IL1RAPL1: variants seen among roughly 807,000 people sequenced by gnomAD.
IL1RAPL1 encodes the protein interleukin-1 receptor accessory protein-like 1.
A neutral mutation model predicts 48.4 loss-of-function variants in IL1RAPL1; 3 were observed. The observed-to-expected ratio is 0.06, with a 90% CI of 0.03 to 0.16. The LOEUF (loss-of-function observed/expected upper bound fraction) is 0.16, where lower values mean the gene tolerates loss of function less well. Ranked by LOEUF, IL1RAPL1 falls within the 10% of genes least tolerant of loss-of-function variation. IL1RAPL1 has a pLI of 1.00. For missense variants in IL1RAPL1, 349 were observed against 530.6 expected, an observed-to-expected ratio of 0.66 and a Z score of 3.36; for synonymous variants, 185 against 187.7, an observed-to-expected ratio of 0.99 and a Z score of 0.12.
At chrX:28,836,336 T>TTATATATATATATATATATA (rs34343530) in intron 2 of IL1RAPL1, among the ~76,000 whole-genome samples, 9 of 85,325 alleles carry the variant, frequency 1.1e-4, no homozygotes, top group African/African-American at 4.2e-4. Flanking sequence ...CTTCCCAATT[T>TTATATATATATATATATATA]TATATATATA....
intron 8 of IL1RAPL1, among the ~76,000 whole-genome samples, chrX:29,926,402 G>A (rs761116895): frequency 8.9e-6 from 1 of 111,980 alleles, no homozygotes; most frequent in Non-Finnish European, 1.9e-5. Context: ...GATCATTCAT[G>A]TGGGCCAAAG....
chrX:28,897,941 TTGAGCCAGGA>T (rs960425922), intron 2 of IL1RAPL1, among the ~76,000 whole-genome samples: 7 of 110,945 alleles, frequency 6.3e-5, no homozygotes, highest in African/African-American at 2.3e-4. Context: ...GGGGAGCTTT[TTGAGCCAGGA>T]TGAGCCAGGA....
chrX:29,506,997 A>G (rs1170482733), intron 5 of IL1RAPL1, among the ~76,000 whole-genome samples: 3 of 110,009 alleles, frequency 2.7e-5, no homozygotes, highest in Non-Finnish European at 5.7e-5. Context: ...AGGGAGTGTC[A>G]TGGATGTGAA....
chrX:28,734,788 T>G (rs1464178668), intron 1 of IL1RAPL1, among the ~76,000 whole-genome samples: 1 of 112,060 alleles, frequency 8.9e-6, no homozygotes. Flanking sequence ...CAGTACCTAT[T>G]ATTTTGTAGG....
At chrX:28,764,845 C>A (rs1426871455) in intron 1 of IL1RAPL1, among the ~76,000 whole-genome samples, 1 of 110,469 alleles carries the variant, frequency 9.1e-6, no homozygotes, top group Non-Finnish European at 1.9e-5. Flanking sequence ...ACATATCCCC[C>A]ATGCTCACGT....
chrX:29,447,214 C>A (rs1050093997), intron 5 of IL1RAPL1, among the ~76,000 whole-genome samples: 5 of 110,868 alleles, frequency 4.5e-5, no homozygotes, highest in African/African-American at 9.8e-5. Context: ...TTTGCTCCCC[C>A]CAAAAGACAT....
At chrX:29,398,970 A>G (rs777415524) in intron 4 of IL1RAPL1, among the ~76,000 whole-genome samples, 185 bp from the exon 5 acceptor site, 1 of 112,430 alleles carries the variant, frequency 8.9e-6, no homozygotes, top group Non-Finnish European at 1.9e-5. Context: ...AACTTGCCAT[A>G]TTATTCTAGG....
intron 1 of IL1RAPL1, among the ~76,000 whole-genome samples, chrX:28,710,509 A>G (rs897619957): frequency 5.5e-5 from 6 of 109,894 alleles, no homozygotes; most frequent in Non-Finnish European, 1.1e-4. Context: ...CTGGTGTTCA[A>G]AGAACACCAA....
At chrX:29,031,460 AGAT>A (rs1315260766) in intron 2 of IL1RAPL1, among the ~76,000 whole-genome samples, 1 of 111,960 alleles carries the variant, frequency 8.9e-6, no homozygotes, top group Non-Finnish European at 1.9e-5. Flanking sequence ...TCTCCCAGGA[AGAT>A]GGAGAAGAGT....
intron 6 of IL1RAPL1, among the ~76,000 whole-genome samples, chrX:29,778,988 A>C (rs1009856697): frequency 9.0e-6 from 1 of 111,639 alleles, no homozygotes; most frequent in African/African-American, 3.3e-5. Flanking sequence ...TGTATTTGGT[A>C]GATCTAGAAT....
rs188206516 is a variant in IL1RAPL1 at position 29,884,179 on chromosome X, A to G, written c.779-33285A>G. Among the ~76,000 whole-genome samples, 65 of 111,955 alleles carry G rather than the reference A, an allele frequency of 5.8e-4. 1 individual carries two copies. Among genetic ancestry groups the G allele is most frequent in the Admixed American group, 5.2e-3 (55 of 10,591 alleles). ...TTAATACCTAATTCCAGTTCATTCT[A>G]TTCATTCGAGACAAACCCTATTTTT... On this transcript the variant is annotated intron_variant, in intron 6 of 10. Transcript: ENST00000378993.
chrX:28,711,053 A>G (rs1935434816), intron 1 of IL1RAPL1, among the ~76,000 whole-genome samples: 1 of 111,998 alleles, frequency 8.9e-6, no homozygotes, highest in Admixed American at 9.5e-5. Context: ...GTGTTGAGAA[A>G]TGCCCAAGTT....
At chrX:29,428,695 G>A (rs1252979323) in intron 5 of IL1RAPL1, among the ~76,000 whole-genome samples, 1 of 111,390 alleles carries the variant, frequency 9.0e-6, no homozygotes, top group Non-Finnish European at 1.9e-5. Context: ...GTGTCCCATG[G>A]ACAAAGATGA....
At chrX:29,751,293 C>T (rs1270337570) in intron 6 of IL1RAPL1, among the ~76,000 whole-genome samples, 1 of 111,428 alleles carries the variant, frequency 9.0e-6, no homozygotes, top group Non-Finnish European at 1.9e-5. Context: ...TTTCAGTCTA[C>T]AGTGGAGACA....
chrX:29,837,258 CA>C (rs34032700), intron 6 of IL1RAPL1, among the ~76,000 whole-genome samples: 219 of 30,010 alleles, frequency 7.3e-3, no homozygotes, highest in South Asian at 9.5e-3. Flanking sequence ...GACTGCATCT[CA>C]AAAAAAAAAA....
intron 2 of IL1RAPL1, among the ~76,000 whole-genome samples, chrX:29,251,203 G>A (rs902846663): frequency 7.0e-5 from 8 of 113,924 alleles, no homozygotes; most frequent in African/African-American, 1.6e-4. Flanking sequence ...ATAATAGTAC[G>A]TCAGTGTATA....
At position 29,668,521 on chromosome X, in the gene IL1RAPL1, T is replaced by C. The variant is rs771471187; in HGVS notation, c.778+17T>C. ...CCCAGCTGGGTGAGTAATTCCTTAA[T>C]TCTAGTTAATATGCTGCTCTCGTTA... On this transcript the variant is annotated intron_variant, in intron 6 of 10. Transcript: ENST00000378993. The C allele has an allele frequency of 9.3e-7, 1 of 1,081,002 alleles. No homozygotes were observed. Among genetic ancestry groups the C allele is most frequent in the African/African-American group, 1.8e-5 (1 of 54,759 alleles). 89.1% of individuals were successfully genotyped at this position (1,081,002 alleles called of 1,213,427 possible).
chrX:29,225,496 A>C (rs2147553211), intron 2 of IL1RAPL1, among the ~76,000 whole-genome samples: 1 of 112,432 alleles, frequency 8.9e-6, no homozygotes, highest in African/African-American at 3.2e-5. Context: ...AGAGTCTTGT[A>C]AAAGAAAAAT....
intron 6 of IL1RAPL1, among the ~76,000 whole-genome samples, chrX:29,683,987 ATAACT>A (rs1341681898): frequency 8.9e-6 from 1 of 112,100 alleles, no homozygotes; most frequent in Non-Finnish European, 1.9e-5. Context: ...ACATTTTAAA[ATAACT>A]TAAAGAGTGT....
Sources: gnomAD v4.1 joint callset for allele counts (sites outside exome capture counted in the v4.1 genomes callset) on GRCh38, gnomAD v4.1.1 for gene constraint, MANE v1.5 for transcripts, NCBI Gene and HGNC (gene_info 2026-07-23, HGNC 2026-07-21) for gene names.